Variants in FRAS1 observed in about 807,000 individuals in gnomAD.
The protein encoded by FRAS1 is Fraser extracellular matrix complex subunit 1, also known as extracellular matrix organizing protein FRAS1.
Under a neutral mutation model 435.2 loss-of-function variants are expected in FRAS1, and 290 were observed. The observed-to-expected ratio is 0.67, with a 90% CI of 0.61 to 0.73. The LOEUF (loss-of-function observed/expected upper bound fraction) is 0.73, where lower values mean the gene tolerates loss of function less well. FRAS1 is among the 30% of genes least tolerant of loss of function. FRAS1 has a pLI of 0.00. For synonymous variants in FRAS1, 1,800 were observed against 1,851.0 expected (o/e 0.97, Z 0.71); for missense variants, 4,860 against 5,001.5 (o/e 0.97, Z 0.85).
intron 32 of FRAS1, 67 bp from the exon 33 acceptor site, chr4:78,418,882 T>G: frequency 1.1e-6 from 1 of 883,390 alleles, no homozygotes; most frequent in Non-Finnish European, 1.8e-6. Flanking sequence ...CTTAATAAGG[T>G]CTGTTTTTGC....
At chr4:78,138,954 C>T (rs1267378976) in intron 2 of FRAS1, among the ~76,000 whole-genome samples, 1 of 152,204 alleles carries the variant, frequency 6.6e-6, no homozygotes, top group Non-Finnish European at 1.5e-5. Flanking sequence ...ATAAGCACTT[C>T]TCTTGCGTGT....
chr4:78,333,282 G>A lies in FRAS1; in HGVS notation c.2148G>A (p.Gln716=). Residue 716 remains glutamine, a synonymous_variant, in exon 19 of 74, where the codon CAG becomes CAA. Coordinates refer to ENST00000512123, the MANE Select transcript of FRAS1 (RefSeq NM_025074.7). ...TTATCTTTCCCCCAGCTTGCCACCA[G>A]TCCTGTTTCAGATGTGCAGGGAAAA... ...ESTGICEACH[Q]SCFRCAGKSP... is the part of the protein sequence containing the mutation. 2 of 1,607,636 alleles carry A rather than the reference G, an allele frequency of 1.2e-6. No individual in the cohort carries two copies. The highest frequency in any genetic ancestry group is 1.7e-6 in the Non-Finnish European group (2 of 1,177,010).
At chr4:78,325,194 C>G (rs1240989346) in intron 18 of FRAS1, among the ~76,000 whole-genome samples, 8 of 152,260 alleles carry the variant, frequency 5.3e-5, no homozygotes, top group African/African-American at 1.9e-4. Context: ...TTCCAGCCTC[C>G]TAGGGCTGGG....
chr4:78,090,240 A>G (rs962461207), intron 2 of FRAS1, among the ~76,000 whole-genome samples: 3 of 152,220 alleles, frequency 2.0e-5, no homozygotes, highest in Non-Finnish European at 4.4e-5. Context: ...AAGAGGCATG[A>G]GCCATCAAGT....
At chr4:78,235,945 T>TACAAA (rs562832234) in intron 2 of FRAS1, among the ~76,000 whole-genome samples, 81 of 152,212 alleles carry the variant, frequency 5.3e-4, no homozygotes, top group South Asian at 4.0e-3. Flanking sequence ...GAGACCCTGT[T>TACAAA]ACAAAACAAA....
At chr4:78,305,612 T>C (rs1728669880) in intron 14 of FRAS1, among the ~76,000 whole-genome samples, 1 of 140,374 alleles carries the variant, frequency 7.1e-6, no homozygotes, top group Admixed American at 7.3e-5. Flanking sequence ...TTTACCATTA[T>C]GTAATGGCCT....
chr4:78,144,286 AAGTTAATGTTTTGGAAACATTC>A (rs1336553757), intron 2 of FRAS1, among the ~76,000 whole-genome samples: 1 of 152,136 alleles, frequency 6.6e-6, no homozygotes, highest in Non-Finnish European at 1.5e-5. Context: ...TCAATGTCAA[AAGTTAATGTTTTGGAAACATTC>A]AGTTGATTAA....
intron 36 of FRAS1, among the ~76,000 whole-genome samples, chr4:78,429,661 A>G (rs1284702372): frequency 5.3e-5 from 8 of 152,238 alleles, no homozygotes; most frequent in Non-Finnish European, 8.8e-5. Flanking sequence ...ATATAATTAT[A>G]TGTACTAATT....
chr4:78,314,535 C>T (rs1275629884), intron 15 of FRAS1, among the ~76,000 whole-genome samples: 1 of 152,178 alleles, frequency 6.6e-6, no homozygotes, highest in African/African-American at 2.4e-5. Context: ...CCAAAATGAT[C>T]TTTCTTAGAT....
chr4:78,276,850 A>G (rs986023131), intron 9 of FRAS1, among the ~76,000 whole-genome samples: 2 of 152,224 alleles, frequency 1.3e-5, no homozygotes, highest in African/African-American at 4.8e-5. Context: ...GCTGTCAGAC[A>G]GGGACATTTA....
chr4:78,231,172 G>A (rs1189908366), intron 2 of FRAS1, among the ~76,000 whole-genome samples: 2 of 151,946 alleles, frequency 1.3e-5, no homozygotes, highest in Non-Finnish European at 2.9e-5. Flanking sequence ...GGCCAGGCTG[G>A]TCTCAAACTC....
intron 2 of FRAS1, among the ~76,000 whole-genome samples, chr4:78,209,314 G>A (rs894728889): frequency 2.0e-5 from 3 of 152,148 alleles, no homozygotes; most frequent in Admixed American, 6.5e-5. Flanking sequence ...GTTAACCCTG[G>A]AGGTTGCATG....
At chr4:78,235,744 T>A (rs1724725767) in intron 2 of FRAS1, among the ~76,000 whole-genome samples, 1 of 152,012 alleles carries the variant, frequency 6.6e-6, no homozygotes, top group East Asian at 1.9e-4. Flanking sequence ...AGCCTAGGAG[T>A]TGGTCACCAG....
intron 4 of FRAS1, among the ~76,000 whole-genome samples, chr4:78,248,544 G>C (rs1339356383): frequency 6.6e-6 from 1 of 152,136 alleles, no homozygotes; most frequent in East Asian, 1.9e-4. Context: ...TGCTCACTTT[G>C]TTTGTGAGGC....
chr4:78,375,652 T>C, intron 25 of FRAS1, 87 bp from the exon 26 acceptor site: 2 of 1,186,548 alleles, frequency 1.7e-6, no homozygotes, highest in Non-Finnish European at 2.3e-6. Flanking sequence ...TTGCATGTGC[T>C]CTGACTCTTC....
intron 65 of FRAS1, 66 bp from the exon 66 acceptor site, chr4:78,515,733 C>T (rs1721186887): frequency 6.9e-7 from 1 of 1,459,374 alleles, no homozygotes; most frequent in Admixed American, 1.8e-5. Flanking sequence ...GTGAGCTCTT[C>T]ACCCCACCCT....
chr4:78,119,555 C>T (rs751466923), intron 2 of FRAS1, among the ~76,000 whole-genome samples: 3 of 152,090 alleles, frequency 2.0e-5, no homozygotes, highest in Non-Finnish European at 4.4e-5. Flanking sequence ...ATTCCATGGT[C>T]TATAGATATC....
At chr4:78,347,980 A>ACATGGTAAGAGTGAT (rs74926675) in intron 20 of FRAS1, among the ~76,000 whole-genome samples, 2 of 51,960 alleles carry the variant, frequency 3.8e-5, no homozygotes, top group South Asian at 3.2e-4. Context: ...GCTTCAAGAT[A>ACATGGTAAGAGTGAT]GGGGAGGAGC....
At chr4:78,338,313 A>C (rs906322331) in intron 20 of FRAS1, among the ~76,000 whole-genome samples, 1 of 152,156 alleles carries the variant, frequency 6.6e-6, no homozygotes, top group African/African-American at 2.4e-5. Context: ...TCTAAAAAAA[A>C]AAATTAGGAA....
Sources: allele counts gnomAD v4.1 joint callset (sites outside exome capture counted in the v4.1 genomes callset), GRCh38; gene constraint gnomAD v4.1.1; transcripts MANE v1.5; gene names NCBI Gene and HGNC (gene_info 2026-07-23, HGNC 2026-07-21).